The following KIAA1217 variants were observed in gnomAD, a reference collection of about 807,000 sequenced individuals.
KIAA1217 encodes the protein sickle tail protein homolog.
KIAA1217 carries 88 observed loss-of-function variants against 163.9 expected under a neutral mutation model. The ratio of observed to expected loss-of-function variants is 0.54; its 90% CI spans 0.45 to 0.64. KIAA1217 has a LOEUF of 0.64. Ranked by LOEUF, KIAA1217 falls within the 30% of genes least tolerant of loss-of-function variation. The pLI is 0.00. For synonymous variants in KIAA1217, 903 were observed against 923.1 expected (o/e 0.98, Z 0.39); for missense variants, 2,372 against 2,475.0 (o/e 0.96, Z 0.88).
chr10:23,800,417 G>A (rs1208318391), intron 1 of KIAA1217, among the ~76,000 whole-genome samples: 1 of 152,054 alleles, frequency 6.6e-6, no homozygotes, highest in Non-Finnish European at 1.5e-5. Context: ...TGCTTTCGCT[G>A]GAGCTGGACC....
chr10:24,411,416 G>A (rs1451856253), intron 3 of KIAA1217, among the ~76,000 whole-genome samples: 1 of 152,128 alleles, frequency 6.6e-6, no homozygotes, highest in Non-Finnish European at 1.5e-5. Context: ...GATCTTTATA[G>A]TTCAGCTTTA....
chr10:24,247,837 CAG>C lies in KIAA1217; in HGVS notation c.354+27935_354+27936del, dbSNP rs2074001871. Among the ~76,000 whole-genome samples, 3 of 152,276 alleles carry C rather than the reference CAG, an allele frequency of 2.0e-5. No individual in the cohort carries two copies. The South Asian group carries it at 6.2e-4, about 32-fold the overall frequency. On this transcript the variant is annotated intron_variant, in intron 2 of 20. Coordinates refer to ENST00000376454, the MANE Select transcript of KIAA1217 (RefSeq NM_019590.5). ...ATTTCTGGAATGATGTCCAATAAAT[CAG>C]AGAGAGGGACTAGAAGACTAATGAG...
intron 3 of KIAA1217, among the ~76,000 whole-genome samples, chr10:24,428,051 T>A (rs1211111255): frequency 7.8e-6 from 1 of 127,412 alleles, no homozygotes. Context: ...TTTAGGCCCA[T>A]TTTTTTTCCT....
At chr10:23,741,431 T>C (rs1301386985) in intron 1 of KIAA1217, among the ~76,000 whole-genome samples, 1 of 152,206 alleles carries the variant, frequency 6.6e-6, no homozygotes, top group African/African-American at 2.4e-5. Flanking sequence ...CTATTTGCAA[T>C]TGGAATGATT....
At position 24,158,099 on chromosome 10, in the gene KIAA1217, G is replaced by C; in HGVS notation, c.-170-61527G>C. ...TAAAGATAAAAGTGGCGCTCCACAA[G>C]TTAGAAGTATATATGATGACATTTC... On this transcript the variant is annotated intron_variant, in intron 2 of 18. Coordinates refer to the KIAA1217 transcript ENST00000376462. The C allele has an allele frequency of 4.0e-6, 3 of 755,182 alleles. No homozygotes were observed. The South Asian group carries it at 4.0e-5, about 10-fold the overall frequency. 46.8% of individuals were successfully genotyped at this position (755,182 alleles called of 1,614,324 possible). A position where few individuals can be genotyped will look rare whatever the true frequency, so the allele number is the denominator to read the frequency against.
chr10:23,766,590 T>TC (rs1834535323), intron 1 of KIAA1217, among the ~76,000 whole-genome samples: 7 of 145,122 alleles, frequency 4.8e-5, no homozygotes, highest in African/African-American at 1.9e-4. Context: ...TTTCTTTCTT[T>TC]TTTCTTTTTT....
At chr10:23,734,848 C>T (rs950016955) in intron 1 of KIAA1217, among the ~76,000 whole-genome samples, 12 of 151,730 alleles carry the variant, frequency 7.9e-5, no homozygotes, top group African/African-American at 1.5e-4. Context: ...ATATCAGGCT[C>T]GTTATATAGG....
chr10:24,105,066 A>C (rs1051375230), intron 2 of KIAA1217, among the ~76,000 whole-genome samples: 7 of 145,356 alleles, frequency 4.8e-5, no homozygotes, highest in Non-Finnish European at 7.4e-5. Context: ...CAAGATGATG[A>C]TGATGATGAT....
At position 23,704,172 on chromosome 10, in the gene KIAA1217, G is replaced by GTATATATATA. The variant is rs35533445; in HGVS notation, c.-321+8969_-321+8978dup. Among the ~76,000 whole-genome samples the GTATATATATA allele has an allele frequency of 5.2e-3, 208 of 39,902 alleles. 7 individuals carry two copies. The highest frequency in any genetic ancestry group is 0.011 in the African/African-American group (79 of 7,462). The allele number at this position is 39,902 out of a possible 152,430, so 26.2% of individuals were successfully genotyped here. On this transcript the variant is annotated intron_variant, in intron 1 of 18. Coordinates refer to the KIAA1217 transcript ENST00000376462. ...TGTGTGTGTGTGTGTGTGTGTGTGT[G>GTATATATATA]TATATATATATATATATATATATAT... is the stretch of plus-strand genomic sequence containing the variant.
chr10:24,495,427 T>C (rs960250333), intron 8 of KIAA1217, among the ~76,000 whole-genome samples: 4 of 152,214 alleles, frequency 2.6e-5, no homozygotes, highest in African/African-American at 9.6e-5. Context: ...TGTTCATTGA[T>C]ATGGCCACAC....
At chr10:24,264,130 A>AT in intron 2 of KIAA1217, among the ~76,000 whole-genome samples, 1 of 152,272 alleles carries the variant, frequency 6.6e-6, no homozygotes, top group African/African-American at 2.4e-5. Flanking sequence ...AAGTGCTGGG[A>AT]TTACAGGTGT....
chr10:24,087,858 C>T (rs139855434), intron 2 of KIAA1217, among the ~76,000 whole-genome samples: 110 of 152,276 alleles, frequency 7.2e-4, no homozygotes, highest in Non-Finnish European at 1.3e-3. Flanking sequence ...CTGCCTGCAG[C>T]GGTGTTAGAA....
chr10:24,504,982 C>T (rs2068145959), intron 9 of KIAA1217, among the ~76,000 whole-genome samples: 1 of 152,114 alleles, frequency 6.6e-6, no homozygotes, highest in Non-Finnish European at 1.5e-5. Flanking sequence ...CCTGGCTACT[C>T]ATTAGAATTA....
At chr10:23,979,275 G>A (rs988635275) in intron 1 of KIAA1217, among the ~76,000 whole-genome samples, 31 of 152,258 alleles carry the variant, frequency 2.0e-4, no homozygotes, top group Admixed American at 4.6e-4. Context: ...CAAACACAGC[G>A]TCCTAAAGAG....
chr10:23,794,545 C>A (rs1365050547), intron 1 of KIAA1217, among the ~76,000 whole-genome samples: 4 of 152,184 alleles, frequency 2.6e-5, no homozygotes, highest in African/African-American at 9.6e-5. Context: ...GCAGTTATCT[C>A]TTTTAGCGAG....
Position 24,543,937 on chromosome 10 carries a change from G to A in KIAA1217, c.4667G>A (p.Cys1556Tyr). The change falls in exon 19 of 21, where the codon TGC (cysteine) becomes TAC (tyrosine). Residue 1556 changes from cysteine to tyrosine, a missense_variant. Physicochemically the swap from Cys to Tyr is radical, Grantham distance 194 (BLOSUM62 -2). Transcript: ENST00000376454. ...CACGTGGATTCTCCAAATTCGGAAT[G>A]CAAGGGTGAGGACGCGACCGATGAC... ...FSHVDSPNSE[C>Y]KGEDATDDQF... 1 of 1,614,076 alleles carries A rather than the reference G, an allele frequency of 6.2e-7. No individual in the cohort carries two copies. Among genetic ancestry groups the A allele is most frequent in the Non-Finnish European group, 8.5e-7 (1 of 1,180,032 alleles).
chr10:23,979,170 A>G (rs926110788), intron 1 of KIAA1217, among the ~76,000 whole-genome samples: 2 of 152,242 alleles, frequency 1.3e-5, no homozygotes, highest in African/African-American at 4.8e-5. Flanking sequence ...GCCACTGAAA[A>G]TAGAAGAAGA....
At chr10:24,485,454 T>A (rs1279710941) in intron 6 of KIAA1217, among the ~76,000 whole-genome samples, 1 of 152,216 alleles carries the variant, frequency 6.6e-6, no homozygotes, top group Non-Finnish European at 1.5e-5. Flanking sequence ...AATGTCTAAC[T>A]GACTGGCTCC....
At chr10:23,741,765 G>A (rs543708018) in intron 1 of KIAA1217, among the ~76,000 whole-genome samples, 1 of 152,280 alleles carries the variant, frequency 6.6e-6, no homozygotes, top group South Asian at 2.1e-4. Context: ...AAATCCACAT[G>A]TAATCTAGGT....
Sources: allele counts gnomAD v4.1 joint callset (sites outside exome capture counted in the v4.1 genomes callset), GRCh38; gene constraint gnomAD v4.1.1; transcripts MANE v1.5; gene names NCBI Gene and HGNC (gene_info 2026-07-23, HGNC 2026-07-21).